GYPB: variants seen among roughly 807,000 people sequenced by gnomAD.
GYPB encodes glycophorin B (MNS blood group), also known as glycophorin-B.
Under a neutral mutation model 15.3 loss-of-function variants are expected in GYPB, and 13 were observed. The observed-to-expected ratio is 0.85, with a 90% CI of 0.55 to 1.35. The LOEUF (loss-of-function observed/expected upper bound fraction) is 1.35, where lower values mean the gene tolerates loss of function less well. GYPB is among the 40% of genes most tolerant of loss of function. The probability of loss-of-function intolerance (pLI) is 0.00; values close to 1 mark genes in which losing one functional copy is unlikely to be tolerated. For synonymous variants in GYPB, 38 were observed against 36.9 expected (o/e 1.03, Z -0.11); for missense variants, 131 against 108.3 (o/e 1.21, Z -0.93).
intron 4 of GYPB, 32 bp from the exon 5 acceptor site, chr4:143,996,336 A>G (rs1364658390): frequency 4.5e-6 from 7 of 1,550,364 alleles, no homozygotes; most frequent in Non-Finnish European, 6.1e-6. Flanking sequence ...TTTCCACTTC[A>G]GCCTCTGCTT....
At chr4:144,006,831 A>G (rs1727942835) in intron 1 of GYPB, among the ~76,000 whole-genome samples, 1 of 151,656 alleles carries the variant, frequency 6.6e-6, no homozygotes, top group Non-Finnish European at 1.5e-5. Flanking sequence ...AGTTATGCTC[A>G]GCTAATTTGT....
rs186905121 is a variant in GYPB, at chr4:144,002,604, G to A, written c.38-1321C>T. On this transcript the variant is annotated intron_variant, in intron 1 of 4. Transcript: ENST00000502664. ...ATCTCTTGGAGACATTCAAATGAGGGGAATGGCACCCAAGTGCAGTGGAGT... is the reference window on the plus strand; with the variant it reads ...ATCTCTTGGAGACATTCAAATGAGGAGAATGGCACCCAAGTGCAGTGGAGT... 3,050 of 1,287,020 alleles carry A rather than the reference G, an allele frequency of 2.4e-3. 18 individuals are homozygous for A. The highest frequency in any genetic ancestry group is 2.7e-3 in the Non-Finnish European group (2,659 of 987,916). 79.7% of individuals were successfully genotyped at this position (1,287,020 alleles called of 1,614,324 possible).
chr4:144,009,333 T>G (rs1196530077), intron 1 of GYPB, among the ~76,000 whole-genome samples: 1 of 151,136 alleles, frequency 6.6e-6, no homozygotes, highest in Admixed American at 6.6e-5. Flanking sequence ...TCTGTTGAGA[T>G]CCCTTAGCAC....
At chr4:144,014,012 T>G (rs372528718) in intron 1 of GYPB, among the ~76,000 whole-genome samples, 67 of 151,656 alleles carry the variant, frequency 4.4e-4, no homozygotes, top group Middle Eastern at 3.4e-3. Flanking sequence ...ATTCTCAGCA[T>G]CATTAGTTAT....
chr4:144,006,854 A>T (rs527644464), intron 1 of GYPB, among the ~76,000 whole-genome samples: 1 of 151,638 alleles, frequency 6.6e-6, no homozygotes, highest in Non-Finnish European at 1.5e-5. Context: ...TAAAACTGGG[A>T]CAAAAACTCA....
rs780824140 is a variant in GYPB at position 144,001,228 on chromosome 4, G to A, written c.93C>T (p.Thr31=). Residue 31 remains threonine, a synonymous_variant, in exon 2 of 5, where the codon ACC becomes ACT. Transcript: ENST00000502664. ...TGTAACTCTTTGTGACTGAAGAAGA[G>A]GTTGAAGTGTGCATTGCCACCTCAG... The part of the protein sequence containing the change: ...STTEVAMHTS[T]SSSVTKSYIS... 7.4e-6 allele frequency: 12 copies of A among 1,612,738 alleles called. 1 individual carries two copies. In the African/African-American group the frequency reaches 1.4e-4, roughly 18 times the overall value.
In GYPB at chr4:144,008,376, A is replaced by G. The variant is rs189105707; in HGVS notation, c.38-7093T>C. The G allele has an allele frequency of 7.0e-5, 32 of 455,270 alleles. 3 individuals are homozygous for G. The highest frequency in any genetic ancestry group is 4.5e-4 in the Admixed American group (19 of 42,556). The allele number at this position is 455,270 out of a possible 1,614,324, so 28.2% of individuals were successfully genotyped here. ...AAATCAGGGCTAAATGAAGAGATAT[A>G]AAGATAATAATTCACCTTGTTTATA... On this transcript the variant is annotated intron_variant, in intron 1 of 4. Transcript: ENST00000502664.
chr4:144,014,807 A>T (rs754464483), intron 1 of GYPB, among the ~76,000 whole-genome samples: 1 of 151,580 alleles, frequency 6.6e-6, no homozygotes, highest in Non-Finnish European at 1.5e-5. Context: ...CAATTTTAAA[A>T]ATTAAGTGTA....
Position 144,012,926 on chromosome 4 carries a change from G to A in GYPB, c.37+6325C>T, listed in dbSNP as rs577506092. On this transcript the variant is annotated intron_variant, in intron 1 of 4. Transcript: ENST00000502664. ...TATTTTTAGATATGATATCAAAAGC[G>A]TAAGCAACAAAAGAAAAAAATAAAT... is the stretch of plus-strand genomic sequence containing the variant. Among the ~76,000 whole-genome samples the A allele has an allele frequency of 4.2e-4, 63 of 151,572 alleles. 1 individual carries two copies. Among genetic ancestry groups the A allele is most frequent in the East Asian group, 1.2e-3 (6 of 5,184 alleles).
At chr4:144,010,111 C>T (rs769842288) in intron 1 of GYPB, among the ~76,000 whole-genome samples, 9 of 151,114 alleles carry the variant, frequency 6.0e-5, no homozygotes, top group Non-Finnish European at 1.0e-4. Flanking sequence ...GTCAGGATGG[C>T]GCATTCCTCT....
intron 1 of GYPB, among the ~76,000 whole-genome samples, chr4:144,017,609 A>T (rs1728573785): frequency 1.3e-5 from 2 of 150,984 alleles, no homozygotes; most frequent in African/African-American, 5.0e-5. Context: ...GTGTAGTTGT[A>T]GAAATTTAAA....
At chr4:143,995,783 A>G (rs914475053), downstream of GYPB, among the ~76,000 whole-genome samples, 2 of 151,420 alleles carry the variant, frequency 1.3e-5, no homozygotes, top group African/African-American at 4.9e-5. Flanking sequence ...AAAGATTTGA[A>G]TAGAATTTGG....
chr4:144,018,816 G>C (rs952967458), intron 1 of GYPB, among the ~76,000 whole-genome samples: 2 of 149,288 alleles, frequency 1.3e-5, no homozygotes, highest in African/African-American at 5.0e-5. Context: ...TCATCCTTTT[G>C]GCTTCTCACC....
chr4:144,007,287 T>G (rs1727970833), intron 1 of GYPB, among the ~76,000 whole-genome samples: 4 of 151,806 alleles, frequency 2.6e-5, no homozygotes, highest in Admixed American at 2.6e-4. Flanking sequence ...TATTAACTGG[T>G]GCAGTTAGTG....
chr4:143,996,245 A>T lies in GYPB; in HGVS notation c.*54T>A. On this transcript the variant is annotated 3_prime_UTR_variant, in exon 5 of 5. Transcript: ENST00000502664. ...TGCAGCCAGTTTGCATAAACAAGAG[A>T]ACAGCAGGTGCAGCCGGTTCTAGGC... 1.3e-6 allele frequency: 2 copies of T among 1,550,322 alleles called. No individual in the cohort carries two copies. The highest frequency in any genetic ancestry group is 1.7e-6 in the Non-Finnish European group (2 of 1,146,764).
In GYPB at chr4:143,996,107, G is replaced by T. The variant is rs921009433; in HGVS notation, c.*192C>A. The T allele has an allele frequency of 5.0e-6, 7 of 1,387,700 alleles. No individual in the cohort carries two copies. Among genetic ancestry groups the T allele is most frequent in the Non-Finnish European group, 4.8e-6 (5 of 1,046,426 alleles). 86.0% of individuals were successfully genotyped at this position (1,387,700 alleles called of 1,614,324 possible). A position where few individuals can be genotyped will look rare whatever the true frequency, so the allele number is the denominator to read the frequency against. On this transcript the variant is annotated 3_prime_UTR_variant, in exon 5 of 5. Transcript: ENST00000502664. Reference sequence around the variant, plus strand: ...AATCATGACTATAATACATGAAAACGGTTTGTATTTTGTTTTATTTTTATT... The same window carrying T: ...AATCATGACTATAATACATGAAAACTGTTTGTATTTTGTTTTATTTTTATT...
At chr4:144,007,259 C>G (rs1455323941) in intron 1 of GYPB, among the ~76,000 whole-genome samples, 3 of 151,606 alleles carry the variant, frequency 2.0e-5, no homozygotes, top group Non-Finnish European at 4.4e-5. Flanking sequence ...GCCAATGGCT[C>G]TGGAGAAAAG....
chr4:144,013,519 C>T (rs565406792), intron 1 of GYPB, among the ~76,000 whole-genome samples: 1 of 151,170 alleles, frequency 6.6e-6, no homozygotes, highest in South Asian at 2.1e-4. Context: ...GGAACCAACC[C>T]AAATGTCCAT....
At chr4:144,008,050 A>T (rs1386740099) in intron 1 of GYPB, among the ~76,000 whole-genome samples, 3 of 151,466 alleles carry the variant, frequency 2.0e-5, no homozygotes, top group African/African-American at 7.4e-5. Flanking sequence ...CATTCCACAC[A>T]TCTCTCTAAC....
Sources: allele counts gnomAD v4.1 joint callset (sites outside exome capture counted in the v4.1 genomes callset), GRCh38; gene constraint gnomAD v4.1.1; transcripts MANE v1.5; gene names NCBI Gene and HGNC (gene_info 2026-07-23, HGNC 2026-07-21).